The following PDE4B variants were observed in gnomAD, a reference collection of about 807,000 sequenced individuals.
PDE4B encodes 3',5'-cyclic-AMP phosphodiesterase 4B.
PDE4B carries 20 observed loss-of-function variants against 82.2 expected under a neutral mutation model. That is an observed-to-expected ratio of 0.24 (90% CI 0.17 to 0.35). The LOEUF is 0.35. PDE4B is among the 10% of genes least tolerant of loss of function. The probability of loss-of-function intolerance (pLI) is 1.00; values close to 1 mark genes in which losing one functional copy is unlikely to be tolerated. For missense variants in PDE4B, 655 were observed against 907.2 expected (o/e 0.72, Z 3.57); for synonymous variants, 320 against 318.9 (o/e 1.00, Z -0.04).
chr1:66,005,359 G>A (rs956990377), intron 3 of PDE4B, among the ~76,000 whole-genome samples: 1 of 151,982 alleles, frequency 6.6e-6, no homozygotes. Flanking sequence ...AGTGAAAGTT[G>A]CCTTTATTCA....
At chr1:66,272,779 CTTTTTTT>C (rs869201227) in intron 7 of PDE4B, among the ~76,000 whole-genome samples, 6 of 61,668 alleles carry the variant, frequency 9.7e-5, no homozygotes, top group East Asian at 1.1e-3. Context: ...TACTAGAATT[CTTTTTTT>C]TTTTTTTTTT....
At chr1:65,990,494 A>G (rs1294964026) in intron 3 of PDE4B, among the ~76,000 whole-genome samples, 2 of 152,166 alleles carry the variant, frequency 1.3e-5, no homozygotes, top group Non-Finnish European at 2.9e-5. Context: ...GTTTTAAATC[A>G]TATTATTGCT....
At chr1:66,371,060 A>T (rs1352815354) in intron 16 of PDE4B, among the ~76,000 whole-genome samples, 2 of 65,436 alleles carry the variant, frequency 3.1e-5, no homozygotes, top group East Asian at 4.9e-4. Flanking sequence ...CACACATCAT[A>T]CATATATATA....
chr1:65,890,395 AT>A (rs1346825676), intron 1 of PDE4B, among the ~76,000 whole-genome samples: 1 of 152,038 alleles, frequency 6.6e-6, no homozygotes, highest in African/African-American at 2.4e-5. Flanking sequence ...AATTCTGGAG[AT>A]TAATCAGTGG....
At chr1:66,046,603 C>T (rs192514151) in intron 3 of PDE4B, among the ~76,000 whole-genome samples, 1 of 151,798 alleles carries the variant, frequency 6.6e-6, no homozygotes, top group East Asian at 1.9e-4. Context: ...TCATGTCTGG[C>T]GAAAGTCAGC....
At chr1:66,224,445 A>G (rs1651264620) in intron 3 of PDE4B, among the ~76,000 whole-genome samples, 1 of 152,208 alleles carries the variant, frequency 6.6e-6, no homozygotes, top group Admixed American at 6.5e-5. Context: ...GCAGCCGGGC[A>G]CAGTGGCTCA....
intron 7 of PDE4B, among the ~76,000 whole-genome samples, chr1:66,308,426 C>T (rs909600045): frequency 6.6e-6 from 1 of 152,050 alleles, no homozygotes; most frequent in Non-Finnish European, 1.5e-5. Flanking sequence ...AATGAACATA[C>T]CTATGTAACC....
At chr1:66,141,072 T>G (rs1294840179) in intron 3 of PDE4B, among the ~76,000 whole-genome samples, 1 of 152,144 alleles carries the variant, frequency 6.6e-6, no homozygotes, top group African/African-American at 2.4e-5. Flanking sequence ...TAAATGTGTG[T>G]GTATGTCTAT....
intron 3 of PDE4B, among the ~76,000 whole-genome samples, chr1:66,027,141 G>A (rs1200513802): frequency 6.6e-6 from 1 of 152,088 alleles, no homozygotes; most frequent in Non-Finnish European, 1.5e-5. Flanking sequence ...TGCTGATAAA[G>A]ACATATCTGA....
chr1:66,154,353 A>AGAT (rs1646460402), intron 3 of PDE4B, among the ~76,000 whole-genome samples: 1 of 152,180 alleles, frequency 6.6e-6, no homozygotes, highest in Non-Finnish European at 1.5e-5. Flanking sequence ...TTCTCCATGA[A>AGAT]GATATACCTG....
At chr1:66,021,143 G>A (rs1177221652) in intron 3 of PDE4B, among the ~76,000 whole-genome samples, 1 of 152,084 alleles carries the variant, frequency 6.6e-6, no homozygotes, top group African/African-American at 2.4e-5. Flanking sequence ...TATATCCTTT[G>A]CCCACTTTTT....
rs577446786 is a variant in PDE4B, at chr1:66,026,020, A to T, written c.281+107185A>T. Among the ~76,000 whole-genome samples the T allele has an allele frequency of 2.1e-3, 325 of 152,304 alleles. 1 individual carries two copies. The highest frequency in any genetic ancestry group is 7.6e-3 in the African/African-American group (314 of 41,550). On this transcript the variant is annotated intron_variant, in intron 3 of 16. Coordinates refer to ENST00000341517, the MANE Select transcript of PDE4B (RefSeq NM_002600.4). ...TATAATTATTTTTCTGGTCAGTTACATGTTTTATTGTTTTCTTGATCCTTA... is the reference window on the plus strand; with the variant it reads ...TATAATTATTTTTCTGGTCAGTTACTTGTTTTATTGTTTTCTTGATCCTTA...
intron 3 of PDE4B, among the ~76,000 whole-genome samples, chr1:65,985,753 G>A (rs1650924871): frequency 6.6e-6 from 1 of 152,076 alleles, no homozygotes; most frequent in Non-Finnish European, 1.5e-5. Flanking sequence ...AACTCCCTTA[G>A]TATTTTTATT....
chr1:66,257,477 C>A, intron 4 of PDE4B, 170 bp from the exon 5 acceptor site: 1 of 789,888 alleles, frequency 1.3e-6, no homozygotes, highest in Non-Finnish European at 2.3e-6. Context: ...TCCTTTCAAG[C>A]TCTTGGAATA....
At chr1:65,964,738 A>T (rs769943282) in intron 3 of PDE4B, among the ~76,000 whole-genome samples, 1 of 152,192 alleles carries the variant, frequency 6.6e-6, no homozygotes. Flanking sequence ...ATGTTGTAGA[A>T]GAATATTTGC....
In PDE4B at chr1:66,057,765, T is replaced by C. The variant is rs185702718; in HGVS notation, c.281+138930T>C. ...GGAGAGACCTGCTCCCATGATTCAG[T>C]TATTTCCCACCGGGTCCCTCCTACA... On this transcript the variant is annotated intron_variant, in intron 3 of 16. Transcript: ENST00000341517. Among the ~76,000 whole-genome samples the C allele has an allele frequency of 1.7e-4, 26 of 152,322 alleles. No homozygotes were observed. The East Asian group carries it at 4.8e-3, about 28-fold the overall frequency.
chr1:66,292,640 G>A (rs1657168559), intron 7 of PDE4B, among the ~76,000 whole-genome samples: 1 of 152,142 alleles, frequency 6.6e-6, no homozygotes, highest in Non-Finnish European at 1.5e-5. Context: ...CTGGAAAGTT[G>A]AACAGGTATT....
intron 6 of PDE4B, among the ~76,000 whole-genome samples, chr1:66,261,343 AC>A (rs1195805675): frequency 6.6e-6 from 1 of 152,098 alleles, no homozygotes; most frequent in Non-Finnish European, 1.5e-5. Flanking sequence ...CAGAAAGCAT[AC>A]CCCCACCCGA....
intron 1 of PDE4B, among the ~76,000 whole-genome samples, chr1:65,906,213 A>G (rs1457724872): frequency 6.6e-6 from 1 of 152,150 alleles, no homozygotes; most frequent in Non-Finnish European, 1.5e-5. Flanking sequence ...AATGTGTTTC[A>G]GCCATACTTG....
Sources: gnomAD v4.1 joint callset for allele counts (sites outside exome capture counted in the v4.1 genomes callset) on GRCh38, gnomAD v4.1.1 for gene constraint, MANE v1.5 for transcripts, NCBI Gene and HGNC (gene_info 2026-07-23, HGNC 2026-07-21) for gene names.